The following TRABD2B variants were observed in gnomAD, a reference collection of about 807,000 sequenced individuals.
TRABD2B encodes metalloprotease TIKI2.
A neutral mutation model predicts 40.1 loss-of-function variants in TRABD2B; 14 were observed. That is an observed-to-expected ratio of 0.35 (90% CI 0.23 to 0.55). The LOEUF (loss-of-function observed/expected upper bound fraction) is 0.55. Among genes scored for constraint, TRABD2B ranks in the 20% least tolerant of loss-of-function variants. TRABD2B has a pLI of 0.90. For missense variants in TRABD2B, 541 were observed against 648.6 expected (o/e 0.83, Z 1.80); for synonymous variants, 263 against 277.0 (o/e 0.95, Z 0.50).
intron 2 of TRABD2B, among the ~76,000 whole-genome samples, chr1:47,839,381 C>A (rs1283289217): frequency 6.6e-6 from 1 of 152,130 alleles, no homozygotes; most frequent in African/African-American, 2.4e-5. Flanking sequence ...CACTCACCCA[C>A]ACAGAAACAC....
intron 2 of TRABD2B, among the ~76,000 whole-genome samples, chr1:47,879,757 T>G (rs1644275750): frequency 6.6e-6 from 1 of 152,230 alleles, no homozygotes; most frequent in South Asian, 2.1e-4. Flanking sequence ...CATCTATAAC[T>G]TGTTCTTAAG....
chr1:47,809,781 C>T (rs1644939039), intron 2 of TRABD2B, among the ~76,000 whole-genome samples: 1 of 152,146 alleles, frequency 6.6e-6, no homozygotes, highest in Non-Finnish European at 1.5e-5. Context: ...ACAAGATTTC[C>T]TGGAGCTGTG....
chr1:47,919,925 C>T (rs779543214), intron 2 of TRABD2B, among the ~76,000 whole-genome samples: 4 of 152,154 alleles, frequency 2.6e-5, no homozygotes, highest in Non-Finnish European at 5.9e-5. Flanking sequence ...TCCTGGATGT[C>T]GCACTGAGCA....
At chr1:47,902,543 C>T (rs1277903471) in intron 2 of TRABD2B, among the ~76,000 whole-genome samples, 9 of 152,254 alleles carry the variant, frequency 5.9e-5, no homozygotes, top group Non-Finnish European at 1.2e-4. Flanking sequence ...GACACCTAGG[C>T]TGCAGTGCAG....
intron 6 of TRABD2B, 118 bp from the exon 7 acceptor site, chr1:47,766,224 AC>A (rs1644301112): frequency 1.6e-6 from 1 of 633,336 alleles, no homozygotes. Context: ...GGAGAAGGGA[AC>A]AAGGAGCTTG....
chr1:47,831,785 A>G (rs1478211620), intron 2 of TRABD2B, among the ~76,000 whole-genome samples: 1 of 152,196 alleles, frequency 6.6e-6, no homozygotes, highest in African/African-American at 2.4e-5. Context: ...CAGCTACTGC[A>G]GGACGACTGG....
chr1:47,946,431 A>C (rs1645261030), intron 2 of TRABD2B, among the ~76,000 whole-genome samples: 2 of 152,020 alleles, frequency 1.3e-5, no homozygotes, highest in South Asian at 2.1e-4. Context: ...GTTTACTGAG[A>C]GTTTTTATCA....
intron 3 of TRABD2B, among the ~76,000 whole-genome samples, chr1:47,797,852 G>GGATGGGGT (rs1415459821): frequency 6.6e-6 from 1 of 152,232 alleles, no homozygotes; most frequent in Non-Finnish European, 1.5e-5. Flanking sequence ...AGGTCTCCAG[G>GGATGGGGT]GATGGGGTGA....
In TRABD2B at chr1:47,775,229, C is replaced by A; in HGVS notation, c.1290G>T (p.Arg430Ser). The stretch of plus-strand genomic sequence containing the variant: ...GCCGCGGCCGCTGGTGTGTGCTCTG[C>A]CTCTTGTGCCACTTCCTCTGCCGGC... ...EFGRQRKWHK[R>S]QSTHQRPRQF... The change falls in exon 6 of 7, where the codon AGG (arginine) becomes AGT (serine). Residue 430 changes from arginine (R) to serine (S), a missense_variant. By Grantham distance (110) the Arg-to-Ser change is moderately radical (BLOSUM62 -1). Around this residue, in one of 2 missense-constraint regions of TRABD2B, gnomAD observed 172 missense variants for 155.8 expected, o/e 1.10. Transcript: ENST00000606738. 4.0e-6 allele frequency: 5 copies of A among 1,249,824 alleles called. No individual in the cohort carries two copies. Among genetic ancestry groups the A allele is most frequent in the Non-Finnish European group, 5.0e-6 (5 of 995,794 alleles). The allele number at this position is 1,249,824 out of a possible 1,614,324, so 77.4% of individuals were successfully genotyped here. A position where few individuals can be genotyped will look rare whatever the true frequency, so the allele number is the denominator to read the frequency against.
Position 47,763,616 on chromosome 1 carries a change from C to T in TRABD2B, c.*2286G>A, listed in dbSNP as rs1644267494. The T allele has an allele frequency of 6.6e-6, 1 of 152,240 alleles. No homozygotes were observed. The highest frequency in any genetic ancestry group is 2.1e-4 in the South Asian group (1 of 4,832). The allele number at this position is 152,240 out of a possible 1,614,324, so 9.4% of individuals were successfully genotyped here. ...ATTACAAGCTGCATTAATTTACCTT[C>T]TTGGCTCAGTGCCTGGCACAGATCT... On this transcript the variant is annotated 3_prime_UTR_variant, in exon 7 of 7. Transcript: ENST00000606738.
intron 2 of TRABD2B, among the ~76,000 whole-genome samples, chr1:47,977,287 T>C (rs1210509432): frequency 1.3e-5 from 2 of 152,154 alleles, no homozygotes; most frequent in Non-Finnish European, 2.9e-5. Flanking sequence ...CTGGCCAGGA[T>C]GGTCTTGAAC....
At chr1:47,938,222 G>A (rs1407046138) in intron 2 of TRABD2B, among the ~76,000 whole-genome samples, 2 of 152,178 alleles carry the variant, frequency 1.3e-5, no homozygotes, top group African/African-American at 4.8e-5. Context: ...TTATACAGGT[G>A]AGCGGGGTTC....
intron 2 of TRABD2B, among the ~76,000 whole-genome samples, chr1:47,986,225 G>T (rs1327305336): frequency 6.6e-6 from 1 of 152,066 alleles, no homozygotes; most frequent in Non-Finnish European, 1.5e-5. Flanking sequence ...ATCCAACAGG[G>T]ACCCATGAAT....
rs1018068275 is a variant in TRABD2B, at chr1:47,997,242, T to A, written c.-453A>T. ...TCCAGGAGGCGCGCAGTGGGACAAG[T>A]GCGGCGGAAGGCGCGGCAGGGGTGG... On this transcript the variant is annotated 5_prime_UTR_variant, in exon 1 of 7. Transcript: ENST00000606738. 1 of 979,404 alleles carries A rather than the reference T, an allele frequency of 1.0e-6. No individual in the cohort carries two copies. Among genetic ancestry groups the A allele is most frequent in the African/African-American group, 1.8e-5 (1 of 55,348 alleles). 60.7% of individuals were successfully genotyped at this position (979,404 alleles called of 1,614,324 possible).
intron 4 of TRABD2B, among the ~76,000 whole-genome samples, 171 bp downstream of exon 4, chr1:47,794,415 A>AC (rs1050681720): frequency 4.0e-5 from 6 of 151,516 alleles, no homozygotes; most frequent in African/African-American, 1.5e-4. Context: ...AGAACCCTTG[A>AC]CCCGAATCAG....
intron 3 of TRABD2B, 144 bp downstream of exon 3, chr1:47,801,329 C>T: frequency 2.2e-6 from 2 of 904,954 alleles, no homozygotes; most frequent in Non-Finnish European, 3.3e-6. Context: ...CTCTTCTCAT[C>T]TCTGAGCCTC....
intron 2 of TRABD2B, among the ~76,000 whole-genome samples, chr1:47,944,136 G>T (rs1048022311): frequency 6.6e-6 from 1 of 152,192 alleles, no homozygotes; most frequent in Admixed American, 6.5e-5. Flanking sequence ...GATGCTGCAG[G>T]ACACGGGAGT....
intron 2 of TRABD2B, among the ~76,000 whole-genome samples, chr1:47,945,456 T>A (rs1347618992): frequency 6.6e-6 from 1 of 152,190 alleles, no homozygotes; most frequent in African/African-American, 2.4e-5. Flanking sequence ...ATATAATAAA[T>A]GCACCTTTTT....
At chr1:47,851,084 T>G (rs1342800453) in intron 2 of TRABD2B, among the ~76,000 whole-genome samples, 5 of 152,142 alleles carry the variant, frequency 3.3e-5, no homozygotes, top group African/African-American at 7.2e-5. Flanking sequence ...TATGGACTGG[T>G]ACCAGTCCAC....
Sources: allele counts gnomAD v4.1 joint callset (sites outside exome capture counted in the v4.1 genomes callset), GRCh38; gene constraint gnomAD v4.1.1; regional missense constraint gnomAD v4.1.1; transcripts MANE v1.5; gene names NCBI Gene and HGNC (gene_info 2026-07-23, HGNC 2026-07-21).